The following OPCML variants were observed in gnomAD, a reference collection of about 807,000 sequenced individuals.
The protein encoded by OPCML is opioid-binding protein/cell adhesion molecule.
A neutral mutation model predicts 37.8 loss-of-function variants in OPCML; 13 were observed. The observed-to-expected ratio is 0.34, with a 90% CI of 0.22 to 0.55. The LOEUF (loss-of-function observed/expected upper bound fraction) is 0.55, where lower values mean the gene tolerates loss of function less well. OPCML is among the 20% of genes least tolerant of loss of function. The pLI is 0.91. For missense variants in OPCML, 341 were observed against 435.6 expected (o/e 0.78, Z 1.93); for synonymous variants, 176 against 168.8 (o/e 1.04, Z -0.33).
chr11:132,496,554 G>A (rs1321827044), intron 4 of OPCML, among the ~76,000 whole-genome samples: 3 of 152,224 alleles, frequency 2.0e-5, no homozygotes, highest in African/African-American at 7.2e-5. Flanking sequence ...TCTGGGCTTG[G>A]TCAGTCATGC....
intron 1 of OPCML, among the ~76,000 whole-genome samples, chr11:133,500,585 G>T (rs1947889722): frequency 6.6e-6 from 1 of 152,152 alleles, no homozygotes; most frequent in Admixed American, 6.5e-5. Context: ...TCCCCTGCAG[G>T]GCTCCCATTA....
At chr11:132,823,726 C>G (rs1255534416) in intron 2 of OPCML, among the ~76,000 whole-genome samples, 1 of 152,120 alleles carries the variant, frequency 6.6e-6, no homozygotes, top group Non-Finnish European at 1.5e-5. Flanking sequence ...TCCACTTACT[C>G]TCAATCCATC....
At chr11:133,248,410 G>A (rs1565528442) in intron 1 of OPCML, among the ~76,000 whole-genome samples, 1 of 152,198 alleles carries the variant, frequency 6.6e-6, no homozygotes, top group African/African-American at 2.4e-5. Flanking sequence ...TGGTGGTGGT[G>A]GGTAAACATT....
At chr11:132,708,922 ATT>A (rs1241540123) in intron 2 of OPCML, among the ~76,000 whole-genome samples, 1 of 152,244 alleles carries the variant, frequency 6.6e-6, no homozygotes, top group Admixed American at 6.5e-5. Context: ...TACTGAGCAT[ATT>A]TAAATGGAAT....
At chr11:133,047,996 T>C (rs1441820839) in intron 1 of OPCML, among the ~76,000 whole-genome samples, 1 of 152,048 alleles carries the variant, frequency 6.6e-6, no homozygotes, top group African/African-American at 2.4e-5. Flanking sequence ...AACTGAGGAT[T>C]CCTGGAGGCC....
At chr11:133,192,729 G>A (rs181067827) in intron 1 of OPCML, among the ~76,000 whole-genome samples, 1 of 152,246 alleles carries the variant, frequency 6.6e-6, no homozygotes, top group African/African-American at 2.4e-5. Context: ...CTCCTGTTCA[G>A]GACTGTTGTG....
At chr11:132,662,765 C>T (rs142155052) in intron 2 of OPCML, among the ~76,000 whole-genome samples, 2 of 152,244 alleles carry the variant, frequency 1.3e-5, no homozygotes, top group East Asian at 1.9e-4. Flanking sequence ...GATGCATGTC[C>T]GAAAATTGTG....
intron 1 of OPCML, among the ~76,000 whole-genome samples, chr11:133,161,403 C>A (rs906538891): frequency 1.3e-5 from 2 of 152,180 alleles, no homozygotes; most frequent in South Asian, 4.2e-4. Context: ...AGATAAGATT[C>A]CTGGTAGGTA....
intron 2 of OPCML, among the ~76,000 whole-genome samples, chr11:132,938,130 C>T (rs1361132050): frequency 6.6e-6 from 1 of 152,014 alleles, no homozygotes; most frequent in Non-Finnish European, 1.5e-5. Flanking sequence ...CAATAATACA[C>T]TAGAAGTGGT....
chr11:132,691,655 T>C (rs1399785925), intron 2 of OPCML, among the ~76,000 whole-genome samples: 3 of 152,088 alleles, frequency 2.0e-5, no homozygotes, highest in Admixed American at 6.5e-5. Context: ...ACAACTCAAA[T>C]TTTTTCATCC....
chr11:132,584,484 G>A (rs961477023), intron 3 of OPCML, among the ~76,000 whole-genome samples: 2 of 152,052 alleles, frequency 1.3e-5, no homozygotes, highest in African/African-American at 2.4e-5. Context: ...TGATCAATGA[G>A]TTAATACTTT....
At chr11:132,579,401 G>GTC (rs2096457750) in intron 3 of OPCML, among the ~76,000 whole-genome samples, 4 of 151,890 alleles carry the variant, frequency 2.6e-5, no homozygotes, top group African/African-American at 9.7e-5. Context: ...GTGTGTGTGT[G>GTC]TGTGTGTGTG....
chr11:132,522,991 A>G (rs1349651252), intron 4 of OPCML, among the ~76,000 whole-genome samples: 1 of 152,156 alleles, frequency 6.6e-6, no homozygotes, highest in Non-Finnish European at 1.5e-5. Flanking sequence ...GGTTGCAGTG[A>G]AATGGCCTGA....
intron 2 of OPCML, among the ~76,000 whole-genome samples, chr11:132,854,695 G>A (rs556685374): frequency 1.4e-4 from 21 of 152,312 alleles, no homozygotes; most frequent in African/African-American, 3.6e-4. Context: ...TCCATAATGC[G>A]GATATGCCGC....
chr11:132,974,579 T>C (rs1015824747), intron 1 of OPCML, among the ~76,000 whole-genome samples: 5 of 152,212 alleles, frequency 3.3e-5, no homozygotes, highest in African/African-American at 4.8e-5. Flanking sequence ...TCAACCATTG[T>C]GGAAGACAGT....
At chr11:132,688,648 C>T (rs1157325951) in intron 2 of OPCML, among the ~76,000 whole-genome samples, 1 of 152,048 alleles carries the variant, frequency 6.6e-6, no homozygotes, top group Admixed American at 6.5e-5. Flanking sequence ...AACCAGGCTG[C>T]ATTTTCAGCA....
intron 4 of OPCML, among the ~76,000 whole-genome samples, chr11:132,443,186 C>T (rs2096042413): frequency 6.6e-6 from 1 of 152,164 alleles, no homozygotes; most frequent in Non-Finnish European, 1.5e-5. Flanking sequence ...CAGAGAGCAA[C>T]ATTTCTGGGG....
chr11:132,495,759 G>A (rs140111352), intron 4 of OPCML, among the ~76,000 whole-genome samples: 3,416 of 151,956 alleles, frequency 0.022, 89 homozygotes, highest in Admixed American at 0.063. Context: ...GCTGGGTGTA[G>A]TGGCGGGCGC....
At chr11:133,458,227 CACGTGTGTGTATATATACACAT>C (rs1485608703) in intron 1 of OPCML, among the ~76,000 whole-genome samples, 118 of 123,536 alleles carry the variant, frequency 9.6e-4, no homozygotes, top group Non-Finnish European at 1.5e-3. Flanking sequence ...CACATATATA[CACGTGTGTGTATATATACACAT>C]ATATATACAC....
Sources: allele counts gnomAD v4.1 joint callset (sites outside exome capture counted in the v4.1 genomes callset), GRCh38; gene constraint gnomAD v4.1.1; transcripts MANE v1.5; gene names NCBI Gene and HGNC (gene_info 2026-07-23, HGNC 2026-07-21).